Variants in JARID2 observed in about 807,000 individuals in gnomAD.
The protein encoded by JARID2 is jumonji and AT-rich interaction domain containing 2.
A neutral mutation model predicts 125.6 loss-of-function variants in JARID2; 21 were observed. That is an observed-to-expected ratio of 0.17 (90% CI 0.12 to 0.24). The LOEUF (loss-of-function observed/expected upper bound fraction) is 0.24, where lower values mean the gene tolerates loss of function less well. Ranked by LOEUF, JARID2 falls within the 10% of genes least tolerant of loss-of-function variation. The probability of loss-of-function intolerance (pLI) is 1.00; values close to 1 mark genes in which losing one functional copy is unlikely to be tolerated. For synonymous variants in JARID2, 736 were observed against 661.6 expected (o/e 1.11, Z -1.73); for missense variants, 1,303 against 1,639.6 (o/e 0.79, Z 3.55).
At position 15,521,385 on chromosome 6, in the gene JARID2, T is replaced by G. The variant is rs933029869; in HGVS notation, c.*1134T>G. The G allele has an allele frequency of 6.6e-6, 1 of 151,332 alleles. No individual in the cohort carries two copies. The highest frequency in any genetic ancestry group is 2.4e-5 in the African/African-American group (1 of 41,182). The allele number at this position is 151,332 out of a possible 1,614,324, so 9.4% of individuals were successfully genotyped here. Reference sequence around the variant, plus strand: ...CCCTTTTGTACATATGCCTGTAAATTGTTTTAAATACTTGAGCCTTTTTCT... The same window carrying G: ...CCCTTTTGTACATATGCCTGTAAATGGTTTTAAATACTTGAGCCTTTTTCT... On this transcript the variant is annotated 3_prime_UTR_variant, in exon 18 of 18. Coordinates refer to ENST00000341776, the MANE Select transcript of JARID2 (RefSeq NM_004973.4).
intron 1 of JARID2, among the ~76,000 whole-genome samples, chr6:15,302,008 A>T (rs1275157132): frequency 6.6e-6 from 1 of 152,224 alleles, no homozygotes; most frequent in African/African-American, 2.4e-5. Context: ...AGCTCTTTGG[A>T]CATAGGAGGG....
chr6:15,419,414 C>T (rs1766385228), intron 3 of JARID2, among the ~76,000 whole-genome samples: 1 of 152,022 alleles, frequency 6.6e-6, no homozygotes, highest in African/African-American at 2.4e-5. Flanking sequence ...GTAAATCTCG[C>T]CTATCTTCTG....
intron 1 of JARID2, among the ~76,000 whole-genome samples, chr6:15,249,853 C>T (rs928476951): frequency 1.3e-5 from 2 of 152,204 alleles, no homozygotes; most frequent in Admixed American, 6.5e-5. Flanking sequence ...TTGAGCACGA[C>T]TCCCACTGCA....
intron 4 of JARID2, among the ~76,000 whole-genome samples, chr6:15,453,793 C>T (rs1768028155): frequency 6.6e-6 from 1 of 152,206 alleles, no homozygotes; most frequent in Admixed American, 6.5e-5. Context: ...ATCCTTCCAG[C>T]CTTGCTTCTG....
At chr6:15,424,610 C>T (rs1278256759) in intron 3 of JARID2, among the ~76,000 whole-genome samples, 3 of 152,094 alleles carry the variant, frequency 2.0e-5, no homozygotes, top group African/African-American at 7.2e-5. Flanking sequence ...GTAATCCCAG[C>T]ACTTTGGGGG....
chr6:15,383,938 G>T (rs1182261205), intron 2 of JARID2, among the ~76,000 whole-genome samples: 6 of 152,174 alleles, frequency 3.9e-5, no homozygotes, highest in Admixed American at 3.9e-4. Context: ...GGGATTACAG[G>T]CATGCGCCAA....
At chr6:15,479,826 A>T (rs1209795309) in intron 5 of JARID2, among the ~76,000 whole-genome samples, 1 of 152,156 alleles carries the variant, frequency 6.6e-6, no homozygotes, top group East Asian at 1.9e-4. Flanking sequence ...TTACACGTGG[A>T]TGGTGGAGCT....
In JARID2 at chr6:15,496,728, G is replaced by A. The variant is rs368009525; in HGVS notation, c.1503G>A (p.Arg501=). 8.1e-6 allele frequency: 13 copies of A among 1,613,690 alleles called. No individual in the cohort carries two copies. The highest frequency in any genetic ancestry group is 1.1e-5 in the Non-Finnish European group (13 of 1,179,950). Residue 501 remains arginine, a synonymous_variant, in exon 7 of 18, where the codon CGG becomes CGA. Transcript: ENST00000341776. ...ERSLERNRPK[R]ATAGKSTPGR... ...GTCTGGAGAGGAATCGGCCGAAGCGGGCCACGGCCGGGAAGAGCACGCCAG... is the reference window on the plus strand; with the variant it reads ...GTCTGGAGAGGAATCGGCCGAAGCGAGCCACGGCCGGGAAGAGCACGCCAG...
chr6:15,298,239 A>G (rs1761483972), intron 1 of JARID2, among the ~76,000 whole-genome samples: 1 of 152,240 alleles, frequency 6.6e-6, no homozygotes, highest in Non-Finnish European at 1.5e-5. Flanking sequence ...CCGCTCTCCT[A>G]TGCTTGCAAA....
chr6:15,427,780 G>A (rs1766794352), intron 3 of JARID2, among the ~76,000 whole-genome samples: 1 of 152,072 alleles, frequency 6.6e-6, no homozygotes, highest in Admixed American at 6.6e-5. Context: ...ACTAGATGCT[G>A]GAATTGTGAG....
chr6:15,403,870 T>C (rs1765540784), intron 2 of JARID2, among the ~76,000 whole-genome samples: 1 of 152,126 alleles, frequency 6.6e-6, no homozygotes, highest in Non-Finnish European at 1.5e-5. Flanking sequence ...TCCTCCCCAT[T>C]CCTGCCTCCA....
chr6:15,295,262 C>T (rs890709594), intron 1 of JARID2, among the ~76,000 whole-genome samples: 3 of 151,842 alleles, frequency 2.0e-5, no homozygotes, highest in African/African-American at 7.3e-5. Context: ...GCTGGGACTA[C>T]AGGCGCCCGC....
At chr6:15,475,632 CT>C (rs1255780001) in intron 5 of JARID2, among the ~76,000 whole-genome samples, 1 of 152,238 alleles carries the variant, frequency 6.6e-6, no homozygotes, top group Admixed American at 6.5e-5. Flanking sequence ...GCCCTTACCC[CT>C]GTTCCCTGAT....
intron 2 of JARID2, among the ~76,000 whole-genome samples, chr6:15,377,879 TTTC>T (rs1385827686): frequency 3.9e-5 from 5 of 129,016 alleles, no homozygotes; most frequent in African/African-American, 5.6e-5. Flanking sequence ...TTCAATTTTT[TTTC>T]TTCTTCTTTT....
intron 14 of JARID2, 66 bp downstream of exon 14, chr6:15,512,456 A>C: frequency 6.9e-7 from 1 of 1,446,604 alleles, no homozygotes; most frequent in Admixed American, 1.7e-5. Flanking sequence ...GCGTGAGCGC[A>C]CACAGAAGCA....
At chr6:15,385,836 C>G (rs961911851) in intron 2 of JARID2, among the ~76,000 whole-genome samples, 6 of 152,102 alleles carry the variant, frequency 3.9e-5, no homozygotes, top group Admixed American at 2.0e-4. Flanking sequence ...ATGCTCACAC[C>G]GTGACACCCT....
chr6:15,414,820 TTTTA>T (rs1366634185), intron 3 of JARID2, among the ~76,000 whole-genome samples: 18 of 152,318 alleles, frequency 1.2e-4, no homozygotes, highest in Admixed American at 3.9e-4. Context: ...TTTTGTTTGT[TTTTA>T]TTTATTTTTA....
At chr6:15,298,533 A>G (rs2127406777) in intron 1 of JARID2, among the ~76,000 whole-genome samples, 1 of 152,066 alleles carries the variant, frequency 6.6e-6, no homozygotes, top group East Asian at 1.9e-4. Flanking sequence ...TACAAAAATT[A>G]GCTGGGTGTG....
chr6:15,449,382 A>G (rs1767816108), intron 3 of JARID2, among the ~76,000 whole-genome samples: 1 of 152,144 alleles, frequency 6.6e-6, no homozygotes, highest in African/African-American at 2.4e-5. Flanking sequence ...ATCATGGCTC[A>G]TGCATGTAAT....
Sources: allele counts gnomAD v4.1 joint callset (sites outside exome capture counted in the v4.1 genomes callset), GRCh38; gene constraint gnomAD v4.1.1; transcripts MANE v1.5; gene names NCBI Gene and HGNC (gene_info 2026-07-23, HGNC 2026-07-21).